Variants in UBE2E2 observed in about 807,000 individuals in gnomAD.
The protein encoded by UBE2E2 is ubiquitin-conjugating enzyme E2 E2.
UBE2E2 carries 6 observed loss-of-function variants against 24.7 expected under a neutral mutation model. The ratio of observed to expected loss-of-function variants is 0.24; its 90% CI spans 0.13 to 0.48. UBE2E2 has a LOEUF of 0.48. Ranked by LOEUF, UBE2E2 falls within the 20% of genes least tolerant of loss-of-function variation. The pLI, the probability that UBE2E2 is intolerant of heterozygous loss-of-function variation, is 0.99. For synonymous variants in UBE2E2, 104 were observed against 83.6 expected (o/e 1.24, Z -1.33); for missense variants, 169 against 245.0 (o/e 0.69, Z 2.07).
chr3:23,433,751 A>G (rs774898288), intron 3 of UBE2E2, among the ~76,000 whole-genome samples: 4 of 152,046 alleles, frequency 2.6e-5, no homozygotes, highest in Non-Finnish European at 4.4e-5. Context: ...ATGAGAGTAA[A>G]TGAAGGGCTG....
intron 3 of UBE2E2, among the ~76,000 whole-genome samples, chr3:23,475,724 C>T (rs879408448): frequency 1.3e-5 from 2 of 152,006 alleles, no homozygotes; most frequent in South Asian, 2.1e-4. Context: ...TAGATCTGCA[C>T]ACCACTACTG....
chr3:23,585,804 G>C (rs951927725), intron 5 of UBE2E2, among the ~76,000 whole-genome samples: 1 of 151,156 alleles, frequency 6.6e-6, no homozygotes, highest in Admixed American at 6.6e-5. Flanking sequence ...TTTTCTTCTT[G>C]TTAGAGAAAT....
intron 4 of UBE2E2, among the ~76,000 whole-genome samples, chr3:23,514,406 C>T (rs895152378): frequency 6.6e-6 from 1 of 152,118 alleles, no homozygotes; most frequent in South Asian, 2.1e-4. Flanking sequence ...CTTAACACTT[C>T]TGAAATCTTT....
chr3:23,248,115 T>C (rs1038873834), intron 3 of UBE2E2, among the ~76,000 whole-genome samples: 4 of 151,068 alleles, frequency 2.6e-5, no homozygotes, highest in Non-Finnish European at 5.9e-5. Flanking sequence ...GCCCATCTTT[T>C]TTGTAGTCGA....
intron 3 of UBE2E2, among the ~76,000 whole-genome samples, chr3:23,435,854 T>C (rs553176023): frequency 3.0e-4 from 45 of 152,082 alleles, no homozygotes; most frequent in Admixed American, 8.5e-4. Context: ...GTCCCCAACC[T>C]TTTTGGCACC....
At chr3:23,237,369 G>T (rs1468761043) in intron 3 of UBE2E2, among the ~76,000 whole-genome samples, 1 of 152,120 alleles carries the variant, frequency 6.6e-6, no homozygotes. Flanking sequence ...GATAACTTCT[G>T]CATGTCTTAT....
intron 3 of UBE2E2, among the ~76,000 whole-genome samples, chr3:23,490,426 A>G (rs1029988343): frequency 6.6e-6 from 1 of 152,210 alleles, no homozygotes; most frequent in African/African-American, 2.4e-5. Context: ...GGAAGAATAT[A>G]CAGTTTTTCC....
At chr3:23,491,980 C>T (rs1162210374) in intron 3 of UBE2E2, among the ~76,000 whole-genome samples, 1 of 152,118 alleles carries the variant, frequency 6.6e-6, no homozygotes, top group Non-Finnish European at 1.5e-5. Flanking sequence ...GGATGACTCT[C>T]AGATTTATGA....
At chr3:23,322,920 T>C (rs980241530) in intron 3 of UBE2E2, among the ~76,000 whole-genome samples, 1 of 151,996 alleles carries the variant, frequency 6.6e-6, no homozygotes, top group Non-Finnish European at 1.5e-5. Context: ...TATATATTTA[T>C]ATATTTTTTC....
intron 3 of UBE2E2, among the ~76,000 whole-genome samples, chr3:23,458,846 A>G (rs941644094): frequency 7.9e-5 from 12 of 152,162 alleles, no homozygotes; most frequent in African/African-American, 2.9e-4. Flanking sequence ...CTTTCTTGAC[A>G]CCTGATTGTC....
At chr3:23,389,013 A>AG (rs1244018217) in intron 3 of UBE2E2, among the ~76,000 whole-genome samples, 1 of 148,526 alleles carries the variant, frequency 6.7e-6, no homozygotes, top group Non-Finnish European at 1.5e-5. Flanking sequence ...AAAAAAAAAA[A>AG]AAAAAGAAAA....
intron 3 of UBE2E2, among the ~76,000 whole-genome samples, chr3:23,284,723 T>C (rs1316706150): frequency 6.6e-6 from 1 of 151,654 alleles, no homozygotes; most frequent in Non-Finnish European, 1.5e-5. Flanking sequence ...TATATATATA[T>C]ATTTAGGAAT....
chr3:23,533,228 C>T (rs887348510), intron 5 of UBE2E2, among the ~76,000 whole-genome samples: 10 of 152,148 alleles, frequency 6.6e-5, no homozygotes, highest in Non-Finnish European at 1.0e-4. Context: ...CCCAAGAAAA[C>T]GAAAAAGTCT....
At chr3:23,481,473 C>T (rs1178287535) in intron 3 of UBE2E2, among the ~76,000 whole-genome samples, 1 of 152,164 alleles carries the variant, frequency 6.6e-6, no homozygotes, top group Non-Finnish European at 1.5e-5. Flanking sequence ...GTACTACGTC[C>T]TTTGCATTTG....
intron 3 of UBE2E2, among the ~76,000 whole-genome samples, chr3:23,231,921 A>G (rs1489789433): frequency 6.6e-6 from 1 of 152,208 alleles, no homozygotes; most frequent in Non-Finnish European, 1.5e-5. Context: ...GAAGTGGAGT[A>G]TGCTACCCTC....
intron 3 of UBE2E2, among the ~76,000 whole-genome samples, chr3:23,472,112 G>A (rs1044546632): frequency 6.6e-6 from 1 of 152,042 alleles, no homozygotes; most frequent in Non-Finnish European, 1.5e-5. Flanking sequence ...CATGATATCC[G>A]AAAGGAAAGA....
At chr3:23,231,506 C>G (rs1432665967) in intron 3 of UBE2E2, among the ~76,000 whole-genome samples, 1 of 152,110 alleles carries the variant, frequency 6.6e-6, no homozygotes, top group Non-Finnish European at 1.5e-5. Flanking sequence ...CTTCTGTAGC[C>G]AGATGTTTGG....
At chr3:23,428,949 AAAAG>A (rs1216449192) in intron 3 of UBE2E2, among the ~76,000 whole-genome samples, 2 of 151,270 alleles carry the variant, frequency 1.3e-5, no homozygotes, top group African/African-American at 2.4e-5. Flanking sequence ...AAAAAAAAAA[AAAAG>A]AATTGAAAAA....
chr3:23,258,632 G>A (rs762138710), intron 3 of UBE2E2, among the ~76,000 whole-genome samples: 4 of 152,186 alleles, frequency 2.6e-5, no homozygotes, highest in South Asian at 2.1e-4. Context: ...GGTGGCTCAC[G>A]CCTATAATCC....
Sources: allele counts gnomAD v4.1 joint callset (sites outside exome capture counted in the v4.1 genomes callset), GRCh38; gene constraint gnomAD v4.1.1; transcripts MANE v1.5; gene names NCBI Gene and HGNC (gene_info 2026-07-23, HGNC 2026-07-21).